ATP7A: variants seen among roughly 807,000 people sequenced by gnomAD.
The protein encoded by ATP7A is copper-transporting ATPase 1.
Under a neutral mutation model 83.5 loss-of-function variants are expected in ATP7A, and 7 were observed. That is an observed-to-expected ratio of 0.08 (90% CI 0.05 to 0.16). The LOEUF is 0.16. Ranked by LOEUF, ATP7A falls within the 10% of genes least tolerant of loss-of-function variation. The pLI is 1.00. For synonymous variants in ATP7A, 354 were observed against 395.2 expected, an observed-to-expected ratio of 0.90 and a Z score of 1.24; for missense variants, 940 against 1,120.8, an observed-to-expected ratio of 0.84 and a Z score of 2.30.
At chrX:78,035,756 G>A (rs1256047201) in intron 17 of ATP7A, among the ~76,000 whole-genome samples, 7 of 111,539 alleles carry the variant, frequency 6.3e-5, no homozygotes, top group African/African-American at 2.0e-4. Context: ...TTTTCTCTAT[G>A]TAATGTTCTT....
In ATP7A at chrX:78,040,838, G is replaced by C. The variant is rs782749021; in HGVS notation, c.3801+105G>C. ...ATTACCTACTATTTTCATTATCACTGAGTAGTCCTATCTGGTTCCTTCAAG... is the reference window on the plus strand; with the variant it reads ...ATTACCTACTATTTTCATTATCACTCAGTAGTCCTATCTGGTTCCTTCAAG... On this transcript the variant is annotated intron_variant, in intron 19 of 22. Coordinates refer to ENST00000341514, the MANE Select transcript of ATP7A (RefSeq NM_000052.7). 4.0e-6 allele frequency: 4 copies of C among 997,004 alleles called. No homozygotes were observed. The African/African-American group carries it at 7.6e-5, about 19-fold the overall frequency. 82.2% of individuals were successfully genotyped at this position (997,004 alleles called of 1,213,427 possible).
chrX:77,957,220 C>A (rs1557227496), intron 1 of ATP7A, among the ~76,000 whole-genome samples: 1 of 111,061 alleles, frequency 9.0e-6, no homozygotes, highest in East Asian at 2.9e-4. Flanking sequence ...GTCTTTTGGT[C>A]ATTTTTAAAA....
chrX:78,032,219 T>A (rs1304640869), intron 16 of ATP7A, among the ~76,000 whole-genome samples: 6 of 112,110 alleles, frequency 5.4e-5, no homozygotes, highest in Non-Finnish European at 1.1e-4. Flanking sequence ...CCTCATTGTT[T>A]TTAATGGCTG....
At chrX:78,003,305 T>G (rs995033932) in intron 6 of ATP7A, 69 bp downstream of exon 6, 37 of 1,040,831 alleles carry the variant, frequency 3.6e-5, no homozygotes, top group Non-Finnish European at 5.0e-5. Context: ...CAGAGAAGAG[T>G]TGTGAAGATA....
At chrX:78,027,176 C>G (rs1382772644) in intron 14 of ATP7A, among the ~76,000 whole-genome samples, 1 of 110,316 alleles carries the variant, frequency 9.1e-6, no homozygotes, top group African/African-American at 3.3e-5. Flanking sequence ...ATCTCTGTTC[C>G]TGATGACATG....
At chrX:77,931,797 G>C (rs1434106560) in intron 1 of ATP7A, among the ~76,000 whole-genome samples, 1 of 102,429 alleles carries the variant, frequency 9.8e-6, no homozygotes. Flanking sequence ...CCTCCTGGAC[G>C]GGGCGGCTGG....
chrX:77,997,470 T>C (rs781853034), intron 4 of ATP7A, among the ~76,000 whole-genome samples: 4 of 112,628 alleles, frequency 3.6e-5, no homozygotes, highest in Non-Finnish European at 5.6e-5. Context: ...CCAGCTCTTC[T>C]GTGCAGGGGT....
intron 1 of ATP7A, among the ~76,000 whole-genome samples, chrX:77,937,883 TCTCTCACA>T (rs2077328662): frequency 9.4e-6 from 1 of 106,107 alleles, no homozygotes; most frequent in South Asian, 4.3e-4. Context: ...TCTCTCTCTC[TCTCTCACA>T]CACACACACA....
chrX:77,922,524 T>C (rs1299685611), intron 1 of ATP7A, among the ~76,000 whole-genome samples: 7 of 111,065 alleles, frequency 6.3e-5, no homozygotes, highest in Admixed American at 9.6e-5. Flanking sequence ...TGTTTATATG[T>C]AGACACACAT....
At chrX:77,965,003 A>G (rs1279461641) in intron 1 of ATP7A, 1 of 118,062 alleles carries the variant, frequency 8.5e-6, no homozygotes, top group African/African-American at 3.3e-5. Flanking sequence ...ACTGTCTTCC[A>G]CAATGGTTGA....
rs1188600781 is a variant in ATP7A, at chrX:78,047,449, C to A, written c.*879C>A. ...CTTCATGTAGTCTGCTGATCTCAGT[C>A]TGGAAACTTAACATTATGAGCCTTT... is the stretch of plus-strand genomic sequence containing the variant. On this transcript the variant is annotated 3_prime_UTR_variant, in exon 23 of 23. Transcript: ENST00000341514. 1 of 112,142 alleles carries A rather than the reference C, an allele frequency of 8.9e-6. No individual in the cohort carries two copies. Among genetic ancestry groups the A allele is most frequent in the East Asian group, 2.8e-4 (1 of 3,628 alleles). The allele number at this position is 112,142 out of a possible 1,213,427, so 9.2% of individuals were successfully genotyped here. A position where few individuals can be genotyped will look rare whatever the true frequency, so the allele number is the denominator to read the frequency against.
At chrX:78,034,392 A>G (rs1355791218) in intron 17 of ATP7A, among the ~76,000 whole-genome samples, 1 of 111,376 alleles carries the variant, frequency 9.0e-6, no homozygotes, top group Admixed American at 9.5e-5. Context: ...CAAAATCACT[A>G]TATTCCCATC....
intron 6 of ATP7A, among the ~76,000 whole-genome samples, chrX:78,005,168 G>A (rs1353073194): frequency 6.3e-5 from 7 of 110,837 alleles, no homozygotes; most frequent in Non-Finnish European, 7.6e-5. Flanking sequence ...TGAAACTTTC[G>A]GACATACAGA....
chrX:78,020,816 TG>T, intron 13 of ATP7A, 128 bp from the exon 14 acceptor site: 1 of 750,175 alleles, frequency 1.3e-6, no homozygotes, highest in Non-Finnish European at 2.0e-6. Context: ...CCACCACACC[TG>T]GCCATTAACA....
At chrX:77,919,951 G>T (rs1322281654) in intron 1 of ATP7A, among the ~76,000 whole-genome samples, 1 of 111,388 alleles carries the variant, frequency 9.0e-6, no homozygotes, top group Non-Finnish European at 1.9e-5. Flanking sequence ...TCACCCCCTG[G>T]TAACCTCATT....
At chrX:77,914,792 T>C (rs1179131897) in intron 1 of ATP7A, among the ~76,000 whole-genome samples, 1 of 111,846 alleles carries the variant, frequency 8.9e-6, no homozygotes, top group Non-Finnish European at 1.9e-5. Context: ...TATTTAGATA[T>C]ACTAAAACAC....
chrX:78,010,282 A>G lies in ATP7A; in HGVS notation c.1870-894A>G, dbSNP rs782439276. On this transcript the variant is annotated intron_variant, in intron 7 of 22. Transcript: ENST00000341514. ...ACTTATCCAAAGTCACATAGCTAAT[A>G]ACTGTCATAACTGGGATTTGAGCCT... 6.3e-5 allele frequency among the ~76,000 whole-genome samples: 7 copies of G among 111,964 alleles called. No individual in the cohort carries two copies. In the East Asian group the frequency reaches 2.0e-3, roughly 31 times the overall value.
rs781946148 is a variant in ATP7A at position 77,989,577 on chromosome X, G to T, written c.955G>T (p.Val319Leu). ...VVSLENRSAI[V>L]KYNASSVTPE... Reference sequence around the variant, plus strand: ...TTCTTTAGAGAATAGGTCTGCCATTGTGAAGTATAATGCAAGCTCAGTCAC... The same window carrying T: ...TTCTTTAGAGAATAGGTCTGCCATTTTGAAGTATAATGCAAGCTCAGTCAC... Residue 319 changes from valine to leucine, a missense_variant, in exon 4 of 23, where the codon GTG (valine) becomes TTG (leucine). Around this residue, in one of 3 missense-constraint regions of ATP7A, gnomAD observed 350 missense variants for 432.8 expected, o/e 0.81. Coordinates refer to ENST00000341514, the MANE Select transcript of ATP7A (RefSeq NM_000052.7). The T allele has an allele frequency of 3.3e-6, 4 of 1,210,095 alleles. No homozygotes were observed. The African/African-American group carries it at 7.0e-5, about 21-fold the overall frequency.
At chrX:78,043,580 C>A in intron 21 of ATP7A, 146 bp downstream of exon 21, 2 of 465,914 alleles carry the variant, frequency 4.3e-6, no homozygotes, top group Non-Finnish European at 7.6e-6. Context: ...TAAAATCAAT[C>A]ATTTTAATTT....
Sources: allele counts gnomAD v4.1 joint callset (sites outside exome capture counted in the v4.1 genomes callset), GRCh38; gene constraint gnomAD v4.1.1; regional missense constraint gnomAD v4.1.1; transcripts MANE v1.5; gene names NCBI Gene and HGNC (gene_info 2026-07-23, HGNC 2026-07-21).